Variants in AP3S1 observed in about 807,000 individuals in gnomAD.
The protein encoded by AP3S1 is AP-3 complex subunit sigma-1.
A neutral mutation model predicts 21.3 loss-of-function variants in AP3S1; 12 were observed. The observed-to-expected ratio is 0.56, with a 90% CI of 0.36 to 0.91. The LOEUF is 0.91. Ranked by LOEUF, AP3S1 falls within the 40% of genes least tolerant of loss-of-function variation. The probability of loss-of-function intolerance (pLI) is 0.01; values close to 1 mark genes in which losing one functional copy is unlikely to be tolerated. For synonymous variants in AP3S1, 48 were observed against 78.4 expected (o/e 0.61, Z 2.05); for missense variants, 116 against 225.0 (o/e 0.52, Z 3.10).
At chr5:115,842,188 C>A (rs932359958) in intron 1 of AP3S1, 82 bp downstream of exon 1, 2 of 1,481,770 alleles carry the variant, frequency 1.3e-6, no homozygotes, top group Non-Finnish European at 1.8e-6. Flanking sequence ...CTCAGAGCGA[C>A]CCCCTCCGGC....
intron 1 of AP3S1, among the ~76,000 whole-genome samples, chr5:115,847,412 G>T (rs1762141800): frequency 6.6e-6 from 1 of 152,238 alleles, no homozygotes; most frequent in South Asian, 2.1e-4. Flanking sequence ...GAGCCCAGGA[G>T]TTCAAGACAA....
intron 3 of AP3S1, among the ~76,000 whole-genome samples, chr5:115,874,737 G>C (rs1748552874): frequency 6.6e-6 from 1 of 151,996 alleles, no homozygotes; most frequent in African/African-American, 2.4e-5. Flanking sequence ...GTATGATGTT[G>C]AGCAAGTTAT....
chr5:115,900,189 AT>A (rs1323185948), intron 4 of AP3S1, among the ~76,000 whole-genome samples: 1 of 152,228 alleles, frequency 6.6e-6, no homozygotes, highest in Admixed American at 6.5e-5. Context: ...GGCCAGATAA[AT>A]TCTAGAGTAT....
intron 4 of AP3S1, among the ~76,000 whole-genome samples, chr5:115,898,025 A>G (rs1750905214): frequency 6.6e-6 from 1 of 152,200 alleles, no homozygotes; most frequent in South Asian, 2.1e-4. Context: ...GAACATGGAA[A>G]TGTTAGCCAC....
chr5:115,858,555 C>T (rs1762950942), intron 1 of AP3S1, among the ~76,000 whole-genome samples: 1 of 152,022 alleles, frequency 6.6e-6, no homozygotes, highest in South Asian at 2.1e-4. Flanking sequence ...AAACTTTTGA[C>T]CCCTGCTGGA....
chr5:115,903,159 G>A (rs977936210), intron 5 of AP3S1, 167 bp downstream of exon 5: 3 of 496,604 alleles, frequency 6.0e-6, no homozygotes, highest in Admixed American at 4.0e-5. Context: ...TAAAGGTTCT[G>A]TGACTGTTCT....
intron 1 of AP3S1, among the ~76,000 whole-genome samples, chr5:115,855,584 C>T (rs1053894010): frequency 6.6e-6 from 1 of 152,206 alleles, no homozygotes; most frequent in Non-Finnish European, 1.5e-5. Flanking sequence ...AGGTGATCCT[C>T]CCACCTTGGC....
intron 3 of AP3S1, among the ~76,000 whole-genome samples, chr5:115,889,205 G>C (rs889386416): frequency 2.4e-4 from 37 of 151,950 alleles, no homozygotes; most frequent in African/African-American, 8.0e-4. Flanking sequence ...AAGTGAAGGG[G>C]AACTATTTAG....
In AP3S1 at chr5:115,891,671, G is replaced by A. The variant is rs190744746; in HGVS notation, c.274-3416G>A. Among the ~76,000 whole-genome samples, 762 of 152,286 alleles carry A rather than the reference G, an allele frequency of 5.0e-3. 6 individuals are homozygous for A. Among genetic ancestry groups the A allele is most frequent in the African/African-American group, 0.017 (688 of 41,560 alleles). On this transcript the variant is annotated intron_variant, in intron 3 of 5. Coordinates refer to ENST00000316788, the MANE Select transcript of AP3S1 (RefSeq NM_001284.4). ...GGGTCAGAGCCCCCACACAGAGTCC[G>A]TACTGGGGCACTGCCTCGTGGAGTT...
At chr5:115,872,716 A>C (rs1451959160) in intron 3 of AP3S1, among the ~76,000 whole-genome samples, 1 of 149,900 alleles carries the variant, frequency 6.7e-6, no homozygotes, top group East Asian at 1.9e-4. Flanking sequence ...AAAGAAGCCA[A>C]ATCTTACTTT....
intron 5 of AP3S1, among the ~76,000 whole-genome samples, chr5:115,907,936 C>T (rs1751785744): frequency 6.6e-6 from 1 of 151,934 alleles, no homozygotes; most frequent in South Asian, 2.1e-4. Context: ...TTTATTGAGT[C>T]CTATGGAGGA....
At chr5:115,852,808 A>G (rs889775084) in intron 1 of AP3S1, among the ~76,000 whole-genome samples, 1 of 152,146 alleles carries the variant, frequency 6.6e-6, no homozygotes, top group South Asian at 2.1e-4. Flanking sequence ...ATTACTTTTT[A>G]TAGCTAAATA....
At chr5:115,905,662 T>A (rs1273135280) in intron 5 of AP3S1, among the ~76,000 whole-genome samples, 2 of 152,200 alleles carry the variant, frequency 1.3e-5, no homozygotes, top group Non-Finnish European at 2.9e-5. Context: ...ATTTTAAGTA[T>A]GTTTGAAAGG....
chr5:115,864,324 T>C (rs1466099632), intron 1 of AP3S1, among the ~76,000 whole-genome samples: 1 of 152,168 alleles, frequency 6.6e-6, no homozygotes, highest in African/African-American at 2.4e-5. Flanking sequence ...TTTTTTGATA[T>C]TGGACAATCC....
chr5:115,866,101 GCT>G (rs1203730894), intron 1 of AP3S1, among the ~76,000 whole-genome samples: 1 of 152,056 alleles, frequency 6.6e-6, no homozygotes, highest in Non-Finnish European at 1.5e-5. Context: ...CGGCCAGGAC[GCT>G]GACTCTTACT....
intron 5 of AP3S1, among the ~76,000 whole-genome samples, chr5:115,911,700 TGAAAC>T (rs1456775845): frequency 6.6e-5 from 10 of 151,924 alleles, no homozygotes; most frequent in Non-Finnish European, 1.0e-4. Flanking sequence ...ACCTTTAACT[TGAAAC>T]GATCAAATTA....
At chr5:115,893,595 A>C (rs970836709) in intron 3 of AP3S1, among the ~76,000 whole-genome samples, 28 of 152,190 alleles carry the variant, frequency 1.8e-4, no homozygotes, top group Non-Finnish European at 4.4e-5. Context: ...TTACATGTCC[A>C]CTTAGCCATC....
chr5:115,856,001 ATT>A (rs1259991837), intron 1 of AP3S1, among the ~76,000 whole-genome samples: 1 of 152,092 alleles, frequency 6.6e-6, no homozygotes, highest in Non-Finnish European at 1.5e-5. Flanking sequence ...TTTAAAGTTT[ATT>A]TTTGTTTTTC....
rs558945962 is a variant in AP3S1, at chr5:115,911,796, AG to A, written c.454-1559del. On this transcript the variant is annotated intron_variant, in intron 5 of 5. Coordinates refer to ENST00000316788, the MANE Select transcript of AP3S1 (RefSeq NM_001284.4). Reference sequence around the variant, plus strand: ...AACATCTTTGGGGGAGCAGGAAGGAAGGGGGGGTAACAAAAACTTCATTGCT... The same window carrying A: ...AACATCTTTGGGGGAGCAGGAAGGAAGGGGGGTAACAAAAACTTCATTGCT... Among the ~76,000 whole-genome samples, 21 of 151,820 alleles carry A rather than the reference AG, an allele frequency of 1.4e-4. No homozygotes were observed. In the East Asian group the frequency reaches 3.5e-3, roughly 25 times the overall value.
Sources: allele counts gnomAD v4.1 joint callset (sites outside exome capture counted in the v4.1 genomes callset), GRCh38; gene constraint gnomAD v4.1.1; transcripts MANE v1.5; gene names NCBI Gene and HGNC (gene_info 2026-07-23, HGNC 2026-07-21).